The following ZNF831 variants were observed in gnomAD, a reference collection of about 807,000 sequenced individuals.
ZNF831 encodes zinc finger protein 831, also known as chromosome 20 open reading frame 174.
ZNF831 carries 59 observed loss-of-function variants against 95.8 expected under a neutral mutation model. The ratio of observed to expected loss-of-function variants is 0.62; its 90% CI spans 0.50 to 0.77. ZNF831 has a LOEUF of 0.77. Among genes scored for constraint, ZNF831 ranks in the 30% least tolerant of loss-of-function variants. The probability of loss-of-function intolerance (pLI) is 0.00; values close to 1 mark genes in which losing one functional copy is unlikely to be tolerated. For missense variants in ZNF831, 2,205 were observed against 2,164.0 expected, an observed-to-expected ratio of 1.02 and a Z score of -0.38; for synonymous variants, 961 against 925.5, an observed-to-expected ratio of 1.04 and a Z score of -0.70.
intron 2 of ZNF831, among the ~76,000 whole-genome samples, chr20:59,157,224 AC>A (rs1471952491): frequency 1.2e-4 from 19 of 152,078 alleles, no homozygotes; most frequent in Admixed American, 9.2e-4. Flanking sequence ...CCACTCCCCT[AC>A]CCTCTTATCT....
intron 1 of ZNF831, among the ~76,000 whole-genome samples, chr20:59,173,472 G>A (rs894058299): frequency 2.0e-5 from 3 of 152,144 alleles, no homozygotes; most frequent in South Asian, 2.1e-4. Context: ...GCTCAAGGAC[G>A]CGAAAAGAAA....
At chr20:59,210,742 GA>G (rs1985244453) in intron 4 of ZNF831, among the ~76,000 whole-genome samples, 2 of 152,188 alleles carry the variant, frequency 1.3e-5, no homozygotes. Flanking sequence ...CCATGTGGGG[GA>G]AATCCCACTT....
In ZNF831 at chr20:59,169,852, A is replaced by C. The variant is rs561031931; in HGVS notation, c.-37+5645A>C. Among the ~76,000 whole-genome samples, 1 of 152,150 alleles carries C rather than the reference A, an allele frequency of 6.6e-6. No homozygotes were observed. Among genetic ancestry groups the C allele is most frequent in the South Asian group, 2.1e-4 (1 of 4,814 alleles). Reference sequence around the variant, plus strand: ...GAGGCAGAGGTTGCAGTGAGCCAAGATCATGCCACTTCACTCTAGCCTGGG... The same window carrying C: ...GAGGCAGAGGTTGCAGTGAGCCAAGCTCATGCCACTTCACTCTAGCCTGGG... On this transcript the variant is annotated intron_variant, in intron 1 of 5. Coordinates refer to ENST00000371030, the MANE Select transcript of ZNF831 (RefSeq NM_178457.3). The surrounding 1 kb of genome is among the most constrained non-coding windows in gnomAD (Gnocchi z 4.1).
chr20:59,143,399 A>C (rs914474726), intron 1 of ZNF831, among the ~76,000 whole-genome samples: 1 of 152,184 alleles, frequency 6.6e-6, no homozygotes, highest in African/African-American at 2.4e-5. Flanking sequence ...TTCAGAGTCT[A>C]TGTCAGAAAC....
intron 4 of ZNF831, among the ~76,000 whole-genome samples, chr20:59,234,404 A>G (rs1986891599): frequency 6.6e-6 from 1 of 152,106 alleles, no homozygotes; most frequent in Non-Finnish European, 1.5e-5. Flanking sequence ...CTCCATTTTC[A>G]TTTGCATTGG....
At chr20:59,142,861 C>T (rs1379400999) in intron 1 of ZNF831, among the ~76,000 whole-genome samples, 3 of 152,198 alleles carry the variant, frequency 2.0e-5, no homozygotes, top group Non-Finnish European at 4.4e-5. Context: ...TTAACCTCAA[C>T]TGACTATGAA....
chr20:59,194,677 G>A lies in ZNF831; in HGVS notation c.3658G>A (p.Gly1220Ser), dbSNP rs1328719498. Residue 1220 changes from glycine (G) to serine (S), a missense_variant, in exon 2 of 6, where the codon GGT (glycine) becomes AGT (serine). Transcript: ENST00000371030. The stretch of plus-strand genomic sequence containing the variant: ...TCCTGGTAGCAGCCTCCGAGATGAG[G>A]GTCCCAATGGCCCTCCTGGGAGCAA... ...HFPGSSLRDE[G>S]PNGPPGSNGG... is the part of the protein sequence containing the mutation. 1.2e-6 allele frequency: 2 copies of A among 1,612,532 alleles called. No homozygotes were observed. The highest frequency in any genetic ancestry group is 1.7e-5 in the Admixed American group (1 of 59,930).
chr20:59,237,308 T>C (rs1435422028), intron 4 of ZNF831, among the ~76,000 whole-genome samples: 1 of 152,184 alleles, frequency 6.6e-6, no homozygotes, highest in African/African-American at 2.4e-5. Flanking sequence ...TGTGGGATGC[T>C]GGTTTTCTCC....
At chr20:59,178,168 G>A (rs1982322083) in intron 1 of ZNF831, among the ~76,000 whole-genome samples, 1 of 152,198 alleles carries the variant, frequency 6.6e-6, no homozygotes, top group Non-Finnish European at 1.5e-5. Context: ...AGGGCTTCAA[G>A]CCCCCTCCTT....
At chr20:59,132,077 A>C (rs1979365699) in intron 1 of ZNF831, among the ~76,000 whole-genome samples, 3 of 152,206 alleles carry the variant, frequency 2.0e-5, no homozygotes, top group African/African-American at 7.2e-5. Flanking sequence ...CATACACCCC[A>C]TTGTATGAGA....
rs143846003 is a variant in ZNF831 at position 59,239,832 on chromosome 20, A to G, written c.4028-13146A>G. 8.3e-3 allele frequency among the ~76,000 whole-genome samples: 1,271 copies of G among 152,348 alleles called. 18 individuals are homozygous for G. Among genetic ancestry groups the G allele is most frequent in the African/African-American group, 0.029 (1,210 of 41,578 alleles). On this transcript the variant is annotated intron_variant, in intron 4 of 5. Coordinates refer to ENST00000371030, the MANE Select transcript of ZNF831 (RefSeq NM_178457.3). ...AGTGCTGGGATTACAGGCGTGAGCCACCGCACCCGGCCATCTGTAAGCATT... is the reference window on the plus strand; with the variant it reads ...AGTGCTGGGATTACAGGCGTGAGCCGCCGCACCCGGCCATCTGTAAGCATT...
intron 1 of ZNF831, 132 bp from the exon 2 acceptor site, chr20:59,190,852 G>A: frequency 1.4e-6 from 1 of 728,680 alleles, no homozygotes; most frequent in Non-Finnish European, 1.9e-6. Flanking sequence ...TCTCGCTTGG[G>A]ATGAGAGTAC....
chr20:59,170,307 T>A (rs968994967), intron 1 of ZNF831, among the ~76,000 whole-genome samples: 3 of 152,210 alleles, frequency 2.0e-5, no homozygotes, highest in African/African-American at 7.2e-5. Context: ...CTGCTTTAGC[T>A]ATGTGCCACA....
intron 4 of ZNF831, among the ~76,000 whole-genome samples, chr20:59,252,279 G>T (rs142004401): frequency 8.8e-4 from 134 of 152,238 alleles, no homozygotes; most frequent in African/African-American, 3.1e-3. Flanking sequence ...TGGGTCTAGT[G>T]CTTCTTCTCT....
intron 1 of ZNF831, among the ~76,000 whole-genome samples, chr20:59,187,209 A>T (rs1279354523): frequency 1.3e-5 from 2 of 152,046 alleles, no homozygotes; most frequent in Non-Finnish European, 2.9e-5. Flanking sequence ...TGTGAACTGG[A>T]TGTTTCTTCC....
At chr20:59,202,970 G>A (rs950769699) in intron 3 of ZNF831, among the ~76,000 whole-genome samples, 1 of 152,108 alleles carries the variant, frequency 6.6e-6, no homozygotes, top group African/African-American at 2.4e-5. Context: ...GATAAATTTG[G>A]TGGTAATCAG....
At chr20:59,198,464 C>T (rs1282778382) in intron 3 of ZNF831, among the ~76,000 whole-genome samples, 1 of 152,222 alleles carries the variant, frequency 6.6e-6, no homozygotes, top group Non-Finnish European at 1.5e-5. Flanking sequence ...TCTAGCTCAC[C>T]TCTCCCTAAT....
At chr20:59,128,980 T>A (rs557816994) in intron 1 of ZNF831, among the ~76,000 whole-genome samples, 13 of 152,234 alleles carry the variant, frequency 8.5e-5, no homozygotes, top group African/African-American at 2.6e-4. Flanking sequence ...GCCAGGCTAG[T>A]CTCGAACTCC....
intron 2 of ZNF831, among the ~76,000 whole-genome samples, chr20:59,147,806 A>G (rs1568725554): frequency 6.6e-6 from 1 of 152,246 alleles, no homozygotes; most frequent in East Asian, 1.9e-4. Flanking sequence ...GAGACTAATT[A>G]TCTCCAAAAA....
Sources: allele counts gnomAD v4.1 joint callset (sites outside exome capture counted in the v4.1 genomes callset), GRCh38; gene constraint gnomAD v4.1.1; non-coding constraint Gnocchi (gnomAD v3.1); transcripts MANE v1.5; gene names NCBI Gene and HGNC (gene_info 2026-07-23, HGNC 2026-07-21).